The following NCOA2 variants were observed in gnomAD, a reference collection of about 807,000 sequenced individuals.
The protein encoded by NCOA2 is class E basic helix-loop-helix protein 75.
Under a neutral mutation model 145.1 loss-of-function variants are expected in NCOA2, and 21 were observed. That is an observed-to-expected ratio of 0.14 (90% confidence interval 0.10 to 0.21). NCOA2 has a LOEUF of 0.21. Among genes scored for constraint, NCOA2 ranks in the 10% least tolerant of loss-of-function variants. The pLI is 1.00. For synonymous variants in NCOA2, 619 were observed against 637.5 expected (o/e 0.97, Z 0.44); for missense variants, 1,472 against 1,837.6 (o/e 0.80, Z 3.64).
At chr8:70,294,186 ACTTCATTT>A (rs1826911623) in intron 2 of NCOA2, among the ~76,000 whole-genome samples, 2 of 152,156 alleles carry the variant, frequency 1.3e-5, no homozygotes, top group South Asian at 4.1e-4. Flanking sequence ...TATATACTAA[ACTTCATTT>A]CTTCAATAGT....
intron 4 of NCOA2, among the ~76,000 whole-genome samples, chr8:70,193,249 A>G (rs913641520): frequency 2.6e-5 from 4 of 152,176 alleles, no homozygotes; most frequent in African/African-American, 7.2e-5. Flanking sequence ...TGCAATATTG[A>G]TAACAATAGG....
the NCOA2 span, among the ~76,000 whole-genome samples, chr8:70,416,187 G>GTTTTTTTTTTTTTTTTTTTTT: frequency 1.5e-5 from 2 of 136,754 alleles, no homozygotes; most frequent in Non-Finnish European, 3.1e-5. Flanking sequence ...GGGGACCTCA[G>GTTTTTTTTTTTTTTTTTTTTT]TTTTTTTGTT....
intron 4 of NCOA2, among the ~76,000 whole-genome samples, chr8:70,180,544 G>A (rs990092511): frequency 1.6e-4 from 25 of 152,122 alleles, no homozygotes; most frequent in Non-Finnish European, 2.5e-4. Context: ...ATTATTATTC[G>A]TGCTTTCTCT....
intron 5 of NCOA2, among the ~76,000 whole-genome samples, chr8:70,172,950 A>C (rs1311271053): frequency 6.6e-6 from 1 of 152,202 alleles, no homozygotes; most frequent in Non-Finnish European, 1.5e-5. Context: ...TGTAAGCATG[A>C]GTGTGCATCT....
intron 22 of NCOA2, among the ~76,000 whole-genome samples, chr8:70,119,172 T>C (rs1807483818): frequency 6.6e-6 from 1 of 152,196 alleles, no homozygotes; most frequent in African/African-American, 2.4e-5. Flanking sequence ...ACTGTATGTC[T>C]GTAACCTCTC....
At chr8:70,399,078 A>G (rs1179044459) in intron 1 of NCOA2, among the ~76,000 whole-genome samples, 1 of 152,228 alleles carries the variant, frequency 6.6e-6, no homozygotes, top group African/African-American at 2.4e-5. Flanking sequence ...GATCACCTCT[A>G]TCTAGAAATT....
the NCOA2 span, among the ~76,000 whole-genome samples, chr8:70,421,481 C>T: frequency 1.3e-5 from 2 of 152,094 alleles, no homozygotes; most frequent in Non-Finnish European, 2.9e-5. Context: ...TTGCTTGAAC[C>T]CAGAAGTTCA....
At chr8:70,388,175 A>G (rs929792101) in intron 1 of NCOA2, among the ~76,000 whole-genome samples, 11 of 152,266 alleles carry the variant, frequency 7.2e-5, no homozygotes, top group African/African-American at 2.7e-4. Context: ...CTGAAAAGGA[A>G]GCAAAGAATT....
intron 2 of NCOA2, among the ~76,000 whole-genome samples, chr8:70,293,835 T>C (rs1463117817): frequency 1.3e-5 from 2 of 152,200 alleles, no homozygotes; most frequent in African/African-American, 4.8e-5. Flanking sequence ...TAGCTGTACA[T>C]TAAAAATCAT....
chr8:70,240,931 T>C (rs1158781546), intron 2 of NCOA2, among the ~76,000 whole-genome samples: 2 of 152,100 alleles, frequency 1.3e-5, no homozygotes, highest in African/African-American at 4.8e-5. Context: ...AGGTAGAATA[T>C]GGGACTAGGT....
chr8:70,421,909 A>G, the NCOA2 span, among the ~76,000 whole-genome samples: 1 of 152,102 alleles, frequency 6.6e-6, no homozygotes, highest in Non-Finnish European at 1.5e-5. Flanking sequence ...AGCCTGGCCA[A>G]CATGGTGAAA....
chr8:70,288,397 G>A (rs1484947942), intron 2 of NCOA2, among the ~76,000 whole-genome samples: 1 of 152,048 alleles, frequency 6.6e-6, no homozygotes, highest in Non-Finnish European at 1.5e-5. Context: ...TGGCCAAATG[G>A]CGAAACCCCA....
At chr8:70,243,359 T>A (rs1822324136) in intron 2 of NCOA2, among the ~76,000 whole-genome samples, 2 of 152,122 alleles carry the variant, frequency 1.3e-5, no homozygotes, top group Non-Finnish European at 2.9e-5. Context: ...ATAAGTTTTA[T>A]TCCTTTTAGC....
intron 1 of NCOA2, among the ~76,000 whole-genome samples, chr8:70,327,140 T>C (rs1806662025): frequency 6.6e-6 from 1 of 152,228 alleles, no homozygotes; most frequent in African/African-American, 2.4e-5. Context: ...GCTTCTGTCA[T>C]CACTTTCCTT....
At chr8:70,163,890 A>C (rs2132457084) in intron 7 of NCOA2, among the ~76,000 whole-genome samples, 1 of 152,360 alleles carries the variant, frequency 6.6e-6, no homozygotes, top group Middle Eastern at 3.4e-3. Context: ...AGAAAAAAAA[A>C]TGAAATCCTT....
chr8:70,309,911 G>A (rs11989635), intron 1 of NCOA2, among the ~76,000 whole-genome samples: 6,565 of 152,060 alleles, frequency 0.043, 503 homozygotes, highest in African/African-American at 0.15. Context: ...CAGTGATCAC[G>A]CCATTGCACT....
chr8:70,371,790 C>T (rs1306559009), intron 1 of NCOA2, among the ~76,000 whole-genome samples: 2 of 152,142 alleles, frequency 1.3e-5, no homozygotes, highest in Admixed American at 6.5e-5. Flanking sequence ...CAACAGTTTC[C>T]TCAAAACTCT....
chr8:70,348,502 T>C (rs1394504471), intron 1 of NCOA2, among the ~76,000 whole-genome samples: 1 of 152,152 alleles, frequency 6.6e-6, no homozygotes, highest in Non-Finnish European at 1.5e-5. Flanking sequence ...GTGTAACAGA[T>C]GAACTAGATT....
chr8:70,407,042 C>G (rs952356836), upstream of NCOA2, among the ~76,000 whole-genome samples: 1 of 152,166 alleles, frequency 6.6e-6, no homozygotes, highest in African/African-American at 2.4e-5. Flanking sequence ...CTATCAAGCT[C>G]TTTATACAGA....
Sources: gnomAD v4.1 joint callset for allele counts (sites outside exome capture counted in the v4.1 genomes callset) on GRCh38, gnomAD v4.1.1 for gene constraint, MANE v1.5 for transcripts, NCBI Gene and HGNC (gene_info 2026-07-23, HGNC 2026-07-21) for gene names.